The following WAPL variants were observed in gnomAD, a reference collection of about 807,000 sequenced individuals.
WAPL encodes the protein wings apart-like protein homolog.
Under a neutral mutation model 121.0 loss-of-function variants are expected in WAPL, and 5 were observed. That is an observed-to-expected ratio of 0.04 (90% CI 0.02 to 0.09). The LOEUF (loss-of-function observed/expected upper bound fraction) is 0.09. WAPL is among the 10% of genes least tolerant of loss of function. The pLI is 1.00. For missense variants in WAPL, 999 were observed against 1,410.8 expected, an observed-to-expected ratio of 0.71 and a Z score of 4.68; for synonymous variants, 480 against 481.5, an observed-to-expected ratio of 1.00 and a Z score of 0.04.
At chr10:86,503,162 A>G (rs1842279220) in intron 2 of WAPL, among the ~76,000 whole-genome samples, 1 of 151,956 alleles carries the variant, frequency 6.6e-6, no homozygotes, top group Non-Finnish European at 1.5e-5. Flanking sequence ...TGTTTAAAAG[A>G]ACAACAACAA....
At chr10:86,482,048 T>C (rs976502755) in intron 4 of WAPL, among the ~76,000 whole-genome samples, 1 of 152,222 alleles carries the variant, frequency 6.6e-6, no homozygotes, top group Admixed American at 6.5e-5. Context: ...TTTGACTTTA[T>C]ACCCTCAATC....
In WAPL at chr10:86,473,973, A is replaced by C; in HGVS notation, c.1645T>G (p.Ser549Ala). The change falls in exon 5 of 19, where the codon TCA becomes GCA. Residue 549 changes from serine (S) to alanine (A), a missense_variant and splice_region_variant. By Grantham distance (99) the Ser-to-Ala change is moderately conservative. Coordinates refer to ENST00000298767, the MANE Select transcript of WAPL (RefSeq NM_015045.5). The part of the protein sequence containing the change: ...TRKIFSGPKR[S>A]PTKAVYNARH... ...GCATTATATACAGCTTTTGTGGGTG[A>C]CTAGAGAAATGAGAGAAAGATCAAC... 1 of 1,612,854 alleles carries C rather than the reference A, an allele frequency of 6.2e-7. No individual in the cohort carries two copies. Among genetic ancestry groups the C allele is most frequent in the Non-Finnish European group, 8.5e-7 (1 of 1,179,176 alleles).
intron 4 of WAPL, among the ~76,000 whole-genome samples, chr10:86,495,385 G>A (rs1217633356): frequency 6.6e-6 from 1 of 151,920 alleles, no homozygotes; most frequent in African/African-American, 2.4e-5. Flanking sequence ...GAGATCACCT[G>A]AGCCCGAGGA....
At chr10:86,459,897 T>G (rs1841230296) in intron 11 of WAPL, among the ~76,000 whole-genome samples, 1 of 152,168 alleles carries the variant, frequency 6.6e-6, no homozygotes, top group Non-Finnish European at 1.5e-5. Context: ...GCAGGCCACT[T>G]GAAACTAGGA....
intron 4 of WAPL, among the ~76,000 whole-genome samples, chr10:86,484,134 T>C (rs1298618670): frequency 6.6e-6 from 1 of 152,254 alleles, no homozygotes; most frequent in Admixed American, 6.5e-5. Context: ...GTGTTTGTTT[T>C]AAGCTATGTG....
chr10:86,505,236 G>A (rs1842323669), intron 2 of WAPL, among the ~76,000 whole-genome samples: 1 of 148,746 alleles, frequency 6.7e-6, no homozygotes, highest in Non-Finnish European at 1.5e-5. Flanking sequence ...CTAGACTCAG[G>A]CGATCCTCCC....
intron 16 of WAPL, among the ~76,000 whole-genome samples, chr10:86,445,075 T>C (rs561121553): frequency 9.2e-5 from 14 of 152,192 alleles, no homozygotes; most frequent in Admixed American, 7.9e-4. Context: ...GCTGAACATA[T>C]GGTCGTCCCT....
At chr10:86,459,415 G>C (rs543310765) in intron 11 of WAPL, among the ~76,000 whole-genome samples, 1 of 152,188 alleles carries the variant, frequency 6.6e-6, no homozygotes, top group Non-Finnish European at 1.5e-5. Context: ...TTTTTACAAA[G>C]AAGTATCTGT....
Sources: allele counts gnomAD v4.1 joint callset (sites outside exome capture counted in the v4.1 genomes callset), GRCh38; gene constraint gnomAD v4.1.1; transcripts MANE v1.5; gene names NCBI Gene and HGNC (gene_info 2026-07-23, HGNC 2026-07-21).